The following SCARB1 variants were observed in gnomAD, a reference collection of about 807,000 sequenced individuals.
SCARB1 encodes CD36 and LIMPII analogous 1.
Under a neutral mutation model 57.2 loss-of-function variants are expected in SCARB1, and 30 were observed. That is an observed-to-expected ratio of 0.52 (90% CI 0.39 to 0.71). The LOEUF (loss-of-function observed/expected upper bound fraction) is 0.71. Among genes scored for constraint, SCARB1 ranks in the 30% least tolerant of loss-of-function variants. The probability of loss-of-function intolerance (pLI) is 0.00; values close to 1 mark genes in which losing one functional copy is unlikely to be tolerated. For synonymous variants in SCARB1, 249 were observed against 268.3 expected, an observed-to-expected ratio of 0.93 and a Z score of 0.70; for missense variants, 543 against 671.2, an observed-to-expected ratio of 0.81 and a Z score of 2.11.
chr12:124,835,880 G>A (rs752601493), intron 1 of SCARB1, among the ~76,000 whole-genome samples: 2 of 152,216 alleles, frequency 1.3e-5, no homozygotes, highest in Non-Finnish European at 2.9e-5. Context: ...CAAAGCAGGA[G>A]CCGCTTCACA....
At chr12:124,816,463 G>C (rs574277771) in intron 2 of SCARB1, among the ~76,000 whole-genome samples, 10 of 152,198 alleles carry the variant, frequency 6.6e-5, no homozygotes, top group Admixed American at 1.3e-4. Context: ...TTAAATGAAC[G>C]AGCGAATGAG....
chr12:124,863,484 G>A, intron 1 of SCARB1, 111 bp downstream of exon 1: 2 of 1,187,598 alleles, frequency 1.7e-6, no homozygotes, highest in South Asian at 2.9e-5. Flanking sequence ...CCAGGCCCGG[G>A]CGCCGATTCC....
At chr12:124,778,866 G>C (rs1156922336) in intron 12 of SCARB1, among the ~76,000 whole-genome samples, 8 of 152,186 alleles carry the variant, frequency 5.3e-5, no homozygotes, top group Non-Finnish European at 1.0e-4. Context: ...GCAGAGCAAG[G>C]GGGGCGGCCT....
intron 8 of SCARB1, among the ~76,000 whole-genome samples, chr12:124,799,914 T>C (rs1202272937): frequency 6.6e-6 from 1 of 152,218 alleles, no homozygotes; most frequent in East Asian, 1.9e-4. Flanking sequence ...AGCCCATTTA[T>C]AGAAACCAGT....
Position 124,787,321 on chromosome 12 carries a change from C to T in SCARB1, c.1254+85G>A, listed in dbSNP as rs1197211253. On this transcript the variant is annotated intron_variant, in intron 10 of 12. Coordinates refer to ENST00000261693, the MANE Select transcript of SCARB1 (RefSeq NM_005505.5). ...CCTGGCTCAGCCCTCTCCCTTTCTA[C>T]AAGCTGCTCCCCCCGCCTCCTGCCT... 4.7e-6 allele frequency: 6 copies of T among 1,289,152 alleles called. No homozygotes were observed. The East Asian group carries it at 1.2e-4, about 26-fold the overall frequency. The allele number at this position is 1,289,152 out of a possible 1,614,324, so 79.9% of individuals were successfully genotyped here. A position where few individuals can be genotyped will look rare whatever the true frequency, so the allele number is the denominator to read the frequency against.
At chr12:124,809,051 T>C (rs838900) in intron 6 of SCARB1, among the ~76,000 whole-genome samples, 36,778 of 152,120 alleles carry the variant, frequency 0.24, 7,920 homozygotes, top group African/African-American at 0.54. Flanking sequence ...TGCCAAATTT[T>C]CTCATTTTGA....
At chr12:124,857,445 G>C (rs557141363) in intron 1 of SCARB1, among the ~76,000 whole-genome samples, 2 of 152,192 alleles carry the variant, frequency 1.3e-5, no homozygotes, top group Non-Finnish European at 2.9e-5. Context: ...GGCTGGCCCT[G>C]GTGCCGGGGC....
At chr12:124,845,885 G>A (rs1286072462) in intron 1 of SCARB1, among the ~76,000 whole-genome samples, 2 of 151,448 alleles carry the variant, frequency 1.3e-5, no homozygotes, top group East Asian at 1.9e-4. Context: ...GGTGACAGGC[G>A]CCTGTAGTCC....
At chr12:124,782,054 T>C (rs1318973704) in intron 12 of SCARB1, among the ~76,000 whole-genome samples, 1 of 152,126 alleles carries the variant, frequency 6.6e-6, no homozygotes, top group African/African-American at 2.4e-5. Flanking sequence ...TACAAGCGTG[T>C]GCCACCACAC....
At chr12:124,853,417 C>T (rs1426197381) in intron 1 of SCARB1, among the ~76,000 whole-genome samples, 3 of 129,088 alleles carry the variant, frequency 2.3e-5, no homozygotes, top group African/African-American at 8.9e-5. Context: ...TTTTGGGAGA[C>T]GGAGTCTCGC....
chr12:124,785,901 G>C (rs1949493210), intron 11 of SCARB1: 1 of 672,408 alleles, frequency 1.5e-6, no homozygotes, highest in Non-Finnish European at 2.4e-6. Flanking sequence ...CCTATCATGA[G>C]TGAAATTATC....
Position 124,814,178 on chromosome 12 carries a change from G to C in SCARB1, c.630+24C>G, listed in dbSNP as rs371114881. Reference sequence around the variant, plus strand: ...AGACAGGACACAGGCCTGAATCTTTGGCTTCTCACCAGGCCACACGTACCT... The same window carrying C: ...AGACAGGACACAGGCCTGAATCTTTCGCTTCTCACCAGGCCACACGTACCT... On this transcript the variant is annotated intron_variant, in intron 4 of 12. Transcript: ENST00000261693. The surrounding 1 kb of genome is among the most constrained non-coding windows in gnomAD (Gnocchi z 4.7). 3.7e-6 allele frequency: 6 copies of C among 1,607,738 alleles called. No individual in the cohort carries two copies. In the African/African-American group the frequency reaches 6.7e-5, roughly 18 times the overall value.
At chr12:124,826,984 T>C (rs1951185390) in intron 1 of SCARB1, among the ~76,000 whole-genome samples, 1 of 152,144 alleles carries the variant, frequency 6.6e-6, no homozygotes, top group South Asian at 2.1e-4. Context: ...GGGAAAGCTT[T>C]AACTGTCATT....
At chr12:124,818,593 G>C (rs2135698307) in intron 1 of SCARB1, among the ~76,000 whole-genome samples, 1 of 152,284 alleles carries the variant, frequency 6.6e-6, no homozygotes, top group African/African-American at 2.4e-5. Context: ...AGCCTCCTGA[G>C]TAGCTGGGAC....
intron 9 of SCARB1, among the ~76,000 whole-genome samples, chr12:124,792,633 A>C: frequency 6.6e-6 from 1 of 151,046 alleles, no homozygotes; most frequent in Admixed American, 6.6e-5. Context: ...GAGGCAGGAG[A>C]ATCGCTGGAA....
At chr12:124,823,777 A>G (rs1021012736) in intron 1 of SCARB1, among the ~76,000 whole-genome samples, 1 of 152,252 alleles carries the variant, frequency 6.6e-6, no homozygotes, top group African/African-American at 2.4e-5. Flanking sequence ...AGACAGCGGC[A>G]TCTGACTCAC....
intron 1 of SCARB1, among the ~76,000 whole-genome samples, chr12:124,839,036 G>C (rs1416319136): frequency 6.6e-6 from 1 of 152,052 alleles, no homozygotes; most frequent in African/African-American, 2.4e-5. Flanking sequence ...GGCTCCAAAA[G>C]TACTGGGATT....
At chr12:124,783,050 G>A (rs760238981) in intron 11 of SCARB1, 16 of 500,534 alleles carry the variant, frequency 3.2e-5, no homozygotes, top group South Asian at 9.1e-5. Flanking sequence ...AAAAGGGCTC[G>A]TCCACTTGAA....
At position 124,808,839 on chromosome 12, in the gene SCARB1, C is replaced by CA. The variant is rs61679216; in HGVS notation, c.843-913dup. Among the ~76,000 whole-genome samples, 636 of 146,724 alleles carry CA rather than the reference C, an allele frequency of 4.3e-3. 4 individuals carry two copies. The highest frequency in any genetic ancestry group is 8.6e-3 in the South Asian group (40 of 4,642). On this transcript the variant is annotated intron_variant, in intron 6 of 12. Transcript: ENST00000261693. Reference sequence around the variant, plus strand: ...TTCTAATACTTGCTAGCAAAAAAAACAAAAAAAAAACCTCATCAATAACAC... The same window carrying CA: ...TTCTAATACTTGCTAGCAAAAAAAACAAAAAAAAAAACCTCATCAATAACAC...
Sources: allele counts gnomAD v4.1 joint callset (sites outside exome capture counted in the v4.1 genomes callset), GRCh38; gene constraint gnomAD v4.1.1; non-coding constraint Gnocchi (gnomAD v3.1); transcripts MANE v1.5; gene names NCBI Gene and HGNC (gene_info 2026-07-23, HGNC 2026-07-21).